Variants in ARSH observed in about 807,000 individuals in gnomAD.
ARSH encodes the protein arylsulfatase H.
ARSH carries 32 observed loss-of-function variants against 28.7 expected under a neutral mutation model. The observed-to-expected ratio is 1.11, with a 90% CI of 0.84 to 1.50. The LOEUF (loss-of-function observed/expected upper bound fraction) is 1.50. Among genes scored for constraint, ARSH ranks in the 40% most tolerant of loss-of-function variants. The pLI is 0.00. For synonymous variants in ARSH, 176 were observed against 177.3 expected, an observed-to-expected ratio of 0.99 and a Z score of 0.06; for missense variants, 440 against 452.4, an observed-to-expected ratio of 0.97 and a Z score of 0.25.
chrX:3,019,380 G>C (rs1169501764), intron 5 of ARSH, among the ~76,000 whole-genome samples: 1 of 111,559 alleles, frequency 9.0e-6, no homozygotes. Flanking sequence ...AGAAAATTGG[G>C]ATGGGGATTT....
chrX:3,031,001 G>C (rs2089912461), intron 8 of ARSH, among the ~76,000 whole-genome samples: 1 of 109,600 alleles, frequency 9.1e-6, no homozygotes, highest in South Asian at 4.0e-4. Context: ...AAAAAAAAAA[G>C]AATTAGCCAG....
At chrX:3,008,741 G>GT (rs11357665) in intron 1 of ARSH, among the ~76,000 whole-genome samples, 41 of 102,045 alleles carry the variant, frequency 4.0e-4, no homozygotes, top group Admixed American at 1.1e-3. Context: ...CTTTTGTTTT[G>GT]TTTTTTTTTT....
chrX:3,022,345 C>T (rs754897357), intron 5 of ARSH, among the ~76,000 whole-genome samples: 5 of 111,959 alleles, frequency 4.5e-5, no homozygotes, highest in South Asian at 3.7e-4. Context: ...AATCTTTCAT[C>T]TTACAAACCC....
Position 3,007,615 on chromosome X carries a change from G to A in ARSH, c.92+911G>A, listed in dbSNP as rs375579405. Among the ~76,000 whole-genome samples the A allele has an allele frequency of 1.0e-3, 116 of 110,620 alleles. 1 individual carries two copies. The highest frequency in any genetic ancestry group is 3.5e-3 in the African/African-American group (107 of 30,409). ...CCTCTCTCCTGTCCTTGTAGATGCC[G>A]TCTTCTCCCTGTGTCTTCACAGGGT... On this transcript the variant is annotated intron_variant, in intron 1 of 8. Coordinates refer to ENST00000381130, the MANE Select transcript of ARSH (RefSeq NM_001011719.2).
rs1247973597 is a variant in ARSH at position 3,010,526 on chromosome X, G to C, written c.214+375G>C. Among the ~76,000 whole-genome samples, 8 of 111,713 alleles carry C rather than the reference G, an allele frequency of 7.2e-5. No individual in the cohort carries two copies. In the Admixed American group the frequency reaches 7.6e-4, roughly 11 times the overall value. On this transcript the variant is annotated intron_variant, in intron 2 of 8. Transcript: ENST00000381130. ...AAATCCACCTCTGTGGATGAGATTGGAAAACTAGACACAGTTGGGAAAAAA... is the reference window on the plus strand; with the variant it reads ...AAATCCACCTCTGTGGATGAGATTGCAAAACTAGACACAGTTGGGAAAAAA...
chrX:3,029,411 C>T, intron 8 of ARSH, 43 bp downstream of exon 8: 1 of 1,180,087 alleles, frequency 8.5e-7, no homozygotes, highest in African/African-American at 1.7e-5. Context: ...CGATAAGGGC[C>T]CGGTTCCGGT....
intron 6 of ARSH, among the ~76,000 whole-genome samples, chrX:3,027,067 C>T (rs2089900729): frequency 9.0e-6 from 1 of 110,705 alleles, no homozygotes; most frequent in South Asian, 3.8e-4. Context: ...AAGCGATTCT[C>T]CTGCCTCAGC....
At chrX:3,016,003 A>ATT (rs776644529) in intron 4 of ARSH, among the ~76,000 whole-genome samples, 1 of 99,190 alleles carries the variant, frequency 1.0e-5, no homozygotes. Context: ...TAATGTTTTA[A>ATT]TTTTTTTTTT....
In ARSH at chrX:3,015,002, C is replaced by T. The variant is rs754973691; in HGVS notation, c.373C>T (p.Arg125Trp). The T allele has an allele frequency of 9.1e-6, 11 of 1,209,402 alleles. No individual in the cohort carries two copies. Among genetic ancestry groups the T allele is most frequent in the African/African-American group, 7.0e-5 (4 of 57,162 alleles). Residue 125 changes from arginine (R) to tryptophan (W), a missense_variant, in exon 4 of 9, where the codon CGG (arginine) becomes TGG (tryptophan). Physicochemically the swap from Arg to Trp is moderately radical, Grantham distance 101. Coordinates refer to ENST00000381130, the MANE Select transcript of ARSH (RefSeq NM_001011719.2). ...GCACCTGGGTTTGAGCTGCGCCTCT[C>T]GGAATGATCACTGTTACCACCCGCT... ...KWHLGLSCAS[R>W]NDHCYHPLNH... is the part of the protein sequence containing the mutation.
At position 3,015,295 on chromosome X, in the gene ARSH, T is replaced by C. The variant is rs1221088561; in HGVS notation, c.666T>C (p.Asn222=). 1 of 1,211,579 alleles carries C rather than the reference T, an allele frequency of 8.3e-7. No individual in the cohort carries two copies. Among genetic ancestry groups the C allele is most frequent in the Non-Finnish European group, 1.1e-6 (1 of 895,416 alleles). ...GTTATGGATTTACTCGACGTTGGAA[T>C]TGCATCCTTATGAGGAACCATGAAA... ...YSSYGFTRRW[N]CILMRNHEII... The change falls in exon 4 of 9, where the codon AAT becomes AAC. Residue 222 remains asparagine (N), a synonymous_variant. Transcript: ENST00000381130.
At position 3,028,331 on chromosome X, in the gene ARSH, C is replaced by T. The variant is rs763877084; in HGVS notation, c.1199+856C>T. ...GTTCAAGTGATTCTTCTGCCTCAGC[C>T]TCCTGAGTAGCTGGGACTACAGGCG... On this transcript the variant is annotated intron_variant, in intron 7 of 8. Coordinates refer to ENST00000381130, the MANE Select transcript of ARSH (RefSeq NM_001011719.2). 3.7e-5 allele frequency among the ~76,000 whole-genome samples: 4 copies of T among 109,468 alleles called. No individual in the cohort carries two copies. In the South Asian group the frequency reaches 1.6e-3, roughly 45 times the overall value.
chrX:3,020,595 A>C (rs1404093084), intron 5 of ARSH, among the ~76,000 whole-genome samples: 1 of 106,621 alleles, frequency 9.4e-6, no homozygotes, highest in Non-Finnish European at 1.9e-5. Flanking sequence ...TCTCAAAAAA[A>C]AAAAAAAAAA....
chrX:3,027,426 A>G lies in ARSH; in HGVS notation c.1150A>G (p.Ile384Val), dbSNP rs1397759984. The change falls in exon 7 of 9, where the codon ATC becomes GTC. Residue 384 changes from isoleucine to valine, a missense_variant. By Grantham distance (29) the Ile-to-Val change is conservative. Transcript: ENST00000381130. The part of the protein sequence containing the change: ...VINEPTSLMD[I>V]YPTLSYIGGG... The stretch of plus-strand genomic sequence containing the variant: ...CAATGAGCCCACCAGCTTAATGGAC[A>G]TCTATCCGACGCTGTCTTATATAGG... 8.3e-7 allele frequency: 1 copy of G among 1,211,707 alleles called. No homozygotes were observed. The highest frequency in any genetic ancestry group is 3.0e-5 in the East Asian group (1 of 33,810).
intron 2 of ARSH, among the ~76,000 whole-genome samples, chrX:3,012,616 G>A (rs200256116): frequency 0.27 from 4,329 of 15,921 alleles, 247 homozygotes; most frequent in East Asian, 0.33. Flanking sequence ...ATATGTATGT[G>A]TATATACACA....
Position 3,029,250 on chromosome X carries a change from G to A in ARSH, c.1203G>A (p.Val401=). 8.3e-7 allele frequency: 1 copy of A among 1,209,678 alleles called. No homozygotes were observed. Among genetic ancestry groups the A allele is most frequent in the Middle Eastern group, 2.3e-4 (1 of 4,349 alleles). Residue 401 remains valine (V), a synonymous_variant, in exon 8 of 9, where the codon GTG becomes GTA. Coordinates refer to ENST00000381130, the MANE Select transcript of ARSH (RefSeq NM_001011719.2). ...ACACACCCCCTTCTCTCCCAAGAGTGATTGACGGCCAGAACCTAATGCCCC... is the reference window on the plus strand; with the variant it reads ...ACACACCCCCTTCTCTCCCAAGAGTAATTGACGGCCAGAACCTAATGCCCC... ...IGGGILSQDR[V]IDGQNLMPLL...
At chrX:3,024,599 G>T (rs775183846) in intron 6 of ARSH, among the ~76,000 whole-genome samples, 7 of 111,639 alleles carry the variant, frequency 6.3e-5, no homozygotes, top group Non-Finnish European at 1.1e-4. Flanking sequence ...TCATTTCTAA[G>T]TGAGAAGTGC....
intron 4 of ARSH, among the ~76,000 whole-genome samples, chrX:3,016,834 T>C (rs902592447): frequency 3.6e-5 from 4 of 111,504 alleles, no homozygotes; most frequent in African/African-American, 1.3e-4. Flanking sequence ...TCCTCCTGCC[T>C]TGACCTCCCA....
chrX:3,014,927 A>AATGCTGCC, intron 3 of ARSH, 43 bp from the exon 4 acceptor site: 1 of 1,148,294 alleles, frequency 8.7e-7, no homozygotes, highest in Non-Finnish European at 1.2e-6. Context: ...ACCGGCATTG[A>AATGCTGCC]ATGCTGCCAT....
intron 7 of ARSH, among the ~76,000 whole-genome samples, chrX:3,028,817 C>A (rs1442633740): frequency 9.0e-6 from 1 of 110,799 alleles, no homozygotes; most frequent in Admixed American, 9.6e-5. Context: ...CCGTGGCTCA[C>A]GCCTGTAATC....
Sources: allele counts gnomAD v4.1 joint callset (sites outside exome capture counted in the v4.1 genomes callset), GRCh38; gene constraint gnomAD v4.1.1; transcripts MANE v1.5; gene names NCBI Gene and HGNC (gene_info 2026-07-23, HGNC 2026-07-21).